Variants in RAVER2 observed in about 807,000 individuals in gnomAD.
The protein encoded by RAVER2 is ribonucleoprotein PTB-binding 2.
RAVER2 carries 46 observed loss-of-function variants against 78.1 expected under a neutral mutation model. The observed-to-expected ratio is 0.59, with a 90% confidence interval of 0.46 to 0.75. The LOEUF (loss-of-function observed/expected upper bound fraction) is 0.75. Ranked by LOEUF, RAVER2 falls within the 30% of genes least tolerant of loss-of-function variation. RAVER2 has a pLI of 0.00. For missense variants in RAVER2, 793 were observed against 837.5 expected (o/e 0.95, Z 0.66); for synonymous variants, 311 against 313.3 (o/e 0.99, Z 0.08).
At chr1:64,809,334 CAGGT>C (rs1653536794) in intron 9 of RAVER2, among the ~76,000 whole-genome samples, 1 of 152,068 alleles carries the variant, frequency 6.6e-6, no homozygotes, top group South Asian at 2.1e-4. Context: ...GGGGTTGTAC[CAGGT>C]AACCTCAGTG....
At chr1:64,789,512 C>G in exon 5 of RAVER2, 1 of 1,599,078 alleles carries the variant, frequency 6.3e-7, no homozygotes, top group Non-Finnish European at 8.5e-7. Flanking sequence ...GCTGTTAAAC[C>G]AGGTATGGAC....
intron 5 of RAVER2, among the ~76,000 whole-genome samples, chr1:64,793,731 C>T (rs1008934427): frequency 6.6e-6 from 1 of 152,198 alleles, no homozygotes; most frequent in African/African-American, 2.4e-5. Context: ...ATCCCCTATC[C>T]TGTCCCCAGG....
At chr1:64,787,004 G>A (rs776003169) in intron 4 of RAVER2, among the ~76,000 whole-genome samples, 1 of 152,094 alleles carries the variant, frequency 6.6e-6, no homozygotes, top group Non-Finnish European at 1.5e-5. Flanking sequence ...ACAATGCCAA[G>A]TCTATAGTAA....
chr1:64,768,694 T>C (rs1652238514), exon 2 of RAVER2: 2 of 1,562,832 alleles, frequency 1.3e-6, no homozygotes, highest in Non-Finnish European at 1.8e-6. Flanking sequence ...ACTTAAAATA[T>C]TGTTATGTGG....
chr1:64,768,681 A>G lies in RAVER2; in HGVS notation c.275A>G (p.Tyr92Cys), dbSNP rs763761525. 4 of 1,561,286 alleles carry G rather than the reference A, an allele frequency of 2.6e-6. No individual in the cohort carries two copies. In the African/African-American group the frequency reaches 4.1e-5, roughly 16 times the overall value. The stretch of plus-strand genomic sequence containing the variant: ...GAAGTTCATGATTTGTTAAAAGACT[A>G]TGACTTAAAATATTGTTATGTGGAC... The change falls in exon 2 of 12, where the codon TAT becomes TGT. Residue 92 changes from tyrosine (Y) to cysteine (C), a missense_variant. Physicochemically the swap from Tyr to Cys is radical, Grantham distance 194. Transcript: ENST00000294428.
intron 5 of RAVER2, among the ~76,000 whole-genome samples, chr1:64,802,500 G>A (rs1224914508): frequency 6.6e-6 from 1 of 152,038 alleles, no homozygotes; most frequent in Admixed American, 6.6e-5. Context: ...GTACAGTTTT[G>A]CAGTTTCTTT....
chr1:64,802,980 T>C, exon 6 of RAVER2: 1 of 1,601,328 alleles, frequency 6.2e-7, no homozygotes, highest in Non-Finnish European at 8.5e-7. Context: ...TCAAAGCCGT[T>C]CTTGGAACAC....
rs56179197 is a variant in RAVER2 at position 64,824,932 on chromosome 1, CAAAAAAAAAA to C, written c.1930-5889_1930-5880del. On this transcript the variant is annotated intron_variant, in intron 11 of 11. Coordinates refer to ENST00000294428, the Ensembl canonical transcript of RAVER2. ...GGCAACAGAGCGAGACCCTGTCTCC[CAAAAAAAAAA>C]AAAAAAAAAAAAAAAAATTAGTGCT... Among the ~76,000 whole-genome samples, 113 of 79,396 alleles carry C rather than the reference CAAAAAAAAAA, an allele frequency of 1.4e-3. No homozygotes were observed. In the Middle Eastern group the frequency reaches 0.023, roughly 16 times the overall value. The allele number at this position is 79,396 out of a possible 152,430, so 52.1% of individuals were successfully genotyped here.
chr1:64,830,455 A>G (rs1267567317), intron 11 of RAVER2, among the ~76,000 whole-genome samples: 1 of 152,180 alleles, frequency 6.6e-6, no homozygotes, highest in Non-Finnish European at 1.5e-5. Flanking sequence ...CTAATTCAAT[A>G]TGCAGCTTGA....
At chr1:64,794,290 C>T (rs1264256867) in intron 5 of RAVER2, among the ~76,000 whole-genome samples, 3 of 149,348 alleles carry the variant, frequency 2.0e-5, no homozygotes, top group Admixed American at 6.7e-5. Flanking sequence ...CCCAGCTACT[C>T]GGGAGGCTGA....
At chr1:64,780,157 C>T (rs967696214) in intron 3 of RAVER2, among the ~76,000 whole-genome samples, 2 of 152,126 alleles carry the variant, frequency 1.3e-5, no homozygotes, top group Non-Finnish European at 2.9e-5. Flanking sequence ...CTGTTAACCT[C>T]AGGCTCTTTT....
chr1:64,781,664 C>A lies in RAVER2; in HGVS notation c.978+93C>A. 3.4e-6 allele frequency: 4 copies of A among 1,179,634 alleles called. No homozygotes were observed. The South Asian group carries it at 6.4e-5, about 19-fold the overall frequency. 73.1% of individuals were successfully genotyped at this position (1,179,634 alleles called of 1,614,324 possible). A position where few individuals can be genotyped will look rare whatever the true frequency, so the allele number is the denominator to read the frequency against. On this transcript the variant is annotated intron_variant, in intron 4 of 11. Coordinates refer to ENST00000294428, the Ensembl canonical transcript of RAVER2. ...CAGTCTAGCCAAAGTAATTGATTGT[C>A]GATTGCACCATCATTGCATTTCCAT...
intron 2 of RAVER2, among the ~76,000 whole-genome samples, chr1:64,774,046 T>C (rs1652394362): frequency 6.6e-6 from 1 of 152,208 alleles, no homozygotes; most frequent in Non-Finnish European, 1.5e-5. Context: ...CTTGTAAATT[T>C]GTTTGAGTTT....
chr1:64,746,756 A>G (rs550444774), intron 1 of RAVER2, among the ~76,000 whole-genome samples: 1 of 152,236 alleles, frequency 6.6e-6, no homozygotes, highest in South Asian at 2.1e-4. Flanking sequence ...TTGTGATACT[A>G]CCTGTTAAGG....
At chr1:64,771,831 C>T (rs931522943) in intron 2 of RAVER2, among the ~76,000 whole-genome samples, 3 of 151,832 alleles carry the variant, frequency 2.0e-5, no homozygotes, top group Non-Finnish European at 4.4e-5. Context: ...ATTTTGGAAC[C>T]TATAGTGGTG....
chr1:64,826,842 T>G (rs1208825598), intron 11 of RAVER2, among the ~76,000 whole-genome samples: 1 of 152,098 alleles, frequency 6.6e-6, no homozygotes, highest in Non-Finnish European at 1.5e-5. Flanking sequence ...ACTGGAGACA[T>G]TTTTGGAAGC....
intron 9 of RAVER2, among the ~76,000 whole-genome samples, chr1:64,810,098 ATGGAATTGC>A (rs1481858916): frequency 6.6e-6 from 1 of 152,198 alleles, no homozygotes; most frequent in Non-Finnish European, 1.5e-5. Context: ...GTACCCAGAA[ATGGAATTGC>A]TGGATCATAC....
At chr1:64,788,979 G>A (rs896602745) in intron 4 of RAVER2, among the ~76,000 whole-genome samples, 7 of 152,100 alleles carry the variant, frequency 4.6e-5, no homozygotes, top group South Asian at 2.1e-4. Flanking sequence ...AAAGTGTCAC[G>A]ATTACAGGTG....
intron 11 of RAVER2, among the ~76,000 whole-genome samples, chr1:64,819,246 C>A (rs1014314596): frequency 6.6e-6 from 1 of 151,940 alleles, no homozygotes; most frequent in African/African-American, 2.4e-5. Context: ...TGTTTAGGAA[C>A]TTAAAAGAAA....
Sources: allele counts gnomAD v4.1 joint callset (sites outside exome capture counted in the v4.1 genomes callset), GRCh38; gene constraint gnomAD v4.1.1; transcripts MANE v1.5; gene names NCBI Gene and HGNC (gene_info 2026-07-23, HGNC 2026-07-21).